Variants in CEP85 observed in about 807,000 individuals in gnomAD.
The protein encoded by CEP85 is centrosomal protein of 85 kDa.
CEP85 carries 58 observed loss-of-function variants against 93.7 expected under a neutral mutation model. That is an observed-to-expected ratio of 0.62 (90% CI 0.50 to 0.77). The LOEUF (loss-of-function observed/expected upper bound fraction) is 0.77, where lower values mean the gene tolerates loss of function less well. Ranked by LOEUF, CEP85 falls within the 30% of genes least tolerant of loss-of-function variation. The pLI is 0.00. For synonymous variants in CEP85, 314 were observed against 338.6 expected (o/e 0.93, Z 0.80); for missense variants, 868 against 922.0 (o/e 0.94, Z 0.76).
chr1:26,257,504 G>A (rs1241946200), intron 4 of CEP85, 93 bp from the exon 5 acceptor site: 82 of 1,465,786 alleles, frequency 5.6e-5, no homozygotes, highest in Non-Finnish European at 7.6e-5. Flanking sequence ...AGCCAAGTTG[G>A]GCTTTGACTA....
intron 7 of CEP85, chr1:26,263,151 A>G (rs982299196): frequency 4.3e-6 from 1 of 232,616 alleles, no homozygotes; most frequent in Admixed American, 4.2e-5. Flanking sequence ...TCACATCTAC[A>G]TCTCTAGACA....
intron 9 of CEP85, among the ~76,000 whole-genome samples, chr1:26,270,269 T>C (rs1349506543): frequency 6.6e-6 from 1 of 152,190 alleles, no homozygotes; most frequent in Non-Finnish European, 1.5e-5. Context: ...TGATAAGAAC[T>C]GAGAGTTATC....
intron 13 of CEP85, 89 bp from the exon 14 acceptor site, chr1:26,277,047 G>T: frequency 7.5e-7 from 1 of 1,329,096 alleles, no homozygotes; most frequent in Non-Finnish European, 1.1e-6. Context: ...CAAGACTGTG[G>T]GTTCAAGATA....
rs759173668 is a variant in CEP85 at position 26,244,349 on chromosome 1, T to C, written c.208+31T>C. ...TTTGTATTAATGATTTGATTACCAA[T>C]ATGTGTTCTCATTTTCAGATTGCAT... On this transcript the variant is annotated intron_variant, in intron 3 of 13. Transcript: ENST00000451429. The C allele has an allele frequency of 4.4e-6, 7 of 1,591,878 alleles. 1 individual carries two copies. The South Asian group carries it at 6.7e-5, about 15-fold the overall frequency.
chr1:26,235,758 G>C (rs1250617913), intron 1 of CEP85, among the ~76,000 whole-genome samples: 1 of 151,974 alleles, frequency 6.6e-6, no homozygotes, highest in Non-Finnish European at 1.5e-5. Context: ...TTTTAGTAGA[G>C]ACGGCGTTTC....
intron 11 of CEP85, 90 bp from the exon 12 acceptor site, chr1:26,274,874 T>A: frequency 1.0e-6 from 1 of 992,992 alleles, no homozygotes; most frequent in Non-Finnish European, 1.5e-6. Context: ...GGGTGAGTCG[T>A]CACTATATAG....
chr1:26,270,263 A>C (rs1307333832), intron 9 of CEP85, among the ~76,000 whole-genome samples: 1 of 152,222 alleles, frequency 6.6e-6, no homozygotes, highest in African/African-American at 2.4e-5. Context: ...TACTGGTGAT[A>C]AGAACTGAGA....
chr1:26,277,426 G>A lies in CEP85; in HGVS notation c.*133G>A, dbSNP rs2090069941. 5.0e-6 allele frequency: 4 copies of A among 802,334 alleles called. No individual in the cohort carries two copies. The highest frequency in any genetic ancestry group is 7.9e-6 in the Non-Finnish European group (4 of 504,430). The allele number at this position is 802,334 out of a possible 1,614,324, so 49.7% of individuals were successfully genotyped here. A position where few individuals can be genotyped will look rare whatever the true frequency, so the allele number is the denominator to read the frequency against. On this transcript the variant is annotated 3_prime_UTR_variant, in exon 14 of 14. Transcript: ENST00000451429. ...GGGGAGGGGAGAGCCTGCATCTGGG[G>A]GCCAAGGGCTGATTAGGGAACTGTG...
chr1:26,259,895 A>AG (rs1180416250), intron 7 of CEP85, 93 bp downstream of exon 7: 5 of 1,040,250 alleles, frequency 4.8e-6, no homozygotes, highest in Admixed American at 2.8e-5. Flanking sequence ...TGGAACTAAG[A>AG]GGAGACAATT....
chr1:26,236,710 C>T (rs534475000), intron 1 of CEP85, among the ~76,000 whole-genome samples: 1 of 152,338 alleles, frequency 6.6e-6, no homozygotes, highest in Admixed American at 6.5e-5. Flanking sequence ...CCAGTGGCCC[C>T]TGACACAGCC....
Position 26,262,417 on chromosome 1 carries a change from G to A in CEP85, c.1341+2615G>A, listed in dbSNP as rs185116741. Among the ~76,000 whole-genome samples the A allele has an allele frequency of 4.7e-4, 72 of 152,178 alleles. 1 individual carries two copies. The East Asian group carries it at 0.011, about 23-fold the overall frequency. On this transcript the variant is annotated intron_variant, in intron 7 of 13. Transcript: ENST00000451429. The stretch of plus-strand genomic sequence containing the variant: ...TGCTTGAACCCAGGAGGTAGATGTT[G>A]CAGTGAGCCGAGATAGCACCACTGC...
intron 6 of CEP85, 118 bp downstream of exon 6, chr1:26,258,378 C>T (rs2089753799): frequency 1.4e-6 from 1 of 710,596 alleles, no homozygotes; most frequent in South Asian, 1.7e-5. Context: ...AGTGTCCCTG[C>T]CCTCAAAGAG....
At chr1:26,246,404 A>G (rs1175397831) in intron 3 of CEP85, among the ~76,000 whole-genome samples, 2 of 152,220 alleles carry the variant, frequency 1.3e-5, no homozygotes, top group Non-Finnish European at 2.9e-5. Flanking sequence ...TTATTCAGCA[A>G]TAAAAAGAAA....
chr1:26,269,437 A>G (rs1233165657), intron 8 of CEP85, 23 bp from the exon 9 acceptor site: 2 of 1,611,418 alleles, frequency 1.2e-6, no homozygotes, highest in South Asian at 2.2e-5. Flanking sequence ...TATTTGACCT[A>G]AACATGGGAT....
At chr1:26,277,038 A>T in intron 13 of CEP85, 98 bp from the exon 14 acceptor site, 1 of 1,283,234 alleles carries the variant, frequency 7.8e-7, no homozygotes. Context: ...TGCATGTCCC[A>T]AGACTGTGGG....
chr1:26,240,700 G>A (rs537117802), intron 2 of CEP85, among the ~76,000 whole-genome samples: 1 of 152,202 alleles, frequency 6.6e-6, no homozygotes, highest in South Asian at 2.1e-4. Flanking sequence ...TTTGAGACCA[G>A]CCTGGCCAAC....
At chr1:26,243,991 CAAAAAAAAAAAA>C (rs58751883) in intron 2 of CEP85, among the ~76,000 whole-genome samples, 163 bp from the exon 3 acceptor site, 37 of 108,308 alleles carry the variant, frequency 3.4e-4, no homozygotes, top group Admixed American at 7.3e-4. Context: ...GACTCCGTCT[CAAAAAAAAAAAA>C]AAAAAAAAAA....
At chr1:26,253,202 G>T (rs2089646129) in intron 3 of CEP85, among the ~76,000 whole-genome samples, 1 of 152,074 alleles carries the variant, frequency 6.6e-6, no homozygotes, top group Admixed American at 6.6e-5. Context: ...ATATCTCTTG[G>T]ACATACATAT....
chr1:26,275,045 C>A lies in CEP85; in HGVS notation c.1876C>A (p.Gln626Lys). Reference sequence around the variant, plus strand: ...GGCCCAGCGAAGGGATTCAGCCCTGCAGCAGCTGCGCACAGCCGTGAAGGA... The same window carrying A: ...GGCCCAGCGAAGGGATTCAGCCCTGAAGCAGCTGCGCACAGCCGTGAAGGA... ...EEAQRRDSAL[Q>K]QLRTAVKELS... The change falls in exon 12 of 14, where the codon CAG (glutamine) becomes AAG (lysine). Residue 626 changes from glutamine to lysine, a missense_variant. Gln to Lys is a moderately conservative substitution (Grantham distance 53). Transcript: ENST00000451429. The A allele has an allele frequency of 6.3e-7, 1 of 1,581,070 alleles. No individual in the cohort carries two copies. The highest frequency in any genetic ancestry group is 8.6e-7 in the Non-Finnish European group (1 of 1,163,436).
Sources: allele counts gnomAD v4.1 joint callset (sites outside exome capture counted in the v4.1 genomes callset), GRCh38; gene constraint gnomAD v4.1.1; transcripts MANE v1.5; gene names NCBI Gene and HGNC (gene_info 2026-07-23, HGNC 2026-07-21).